Variants in IRX4 observed in about 807,000 individuals in gnomAD.
IRX4 encodes the protein iroquois-class homeodomain protein IRX-4.
Under a neutral mutation model 32.0 loss-of-function variants are expected in IRX4, and 22 were observed. The observed-to-expected ratio is 0.69, with a 90% confidence interval of 0.49 to 0.98. The LOEUF is 0.98. Among genes scored for constraint, IRX4 ranks in the 50% least tolerant of loss-of-function variants. The pLI, the probability that IRX4 is intolerant of heterozygous loss-of-function variation, is 0.00. For missense variants in IRX4, 840 were observed against 744.2 expected, an observed-to-expected ratio of 1.13 and a Z score of -1.50; for synonymous variants, 379 against 351.7, an observed-to-expected ratio of 1.08 and a Z score of -0.87.
intron 1 of IRX4, 61 bp downstream of exon 1, chr5:1,882,541 TC>T: frequency 1.4e-6 from 2 of 1,388,200 alleles, no homozygotes; most frequent in Admixed American, 2.2e-5. Flanking sequence ...CCACCCCCCG[TC>T]CCCGCCCCAT....
In IRX4 at chr5:1,878,048, G is replaced by C. The variant is rs1416373071; in HGVS notation, c.1481C>G (p.Pro494Arg). 1 of 1,512,298 alleles carries C rather than the reference G, an allele frequency of 6.6e-7. No individual in the cohort carries two copies. Among genetic ancestry groups the C allele is most frequent in the East Asian group, 2.5e-5 (1 of 39,676 alleles). 93.7% of individuals were successfully genotyped at this position (1,512,298 alleles called of 1,614,324 possible). A position where few individuals can be genotyped will look rare whatever the true frequency, so the allele number is the denominator to read the frequency against. ...PLARAFPPAV[P>R]QDAPAAGAAR... Reference sequence around the variant, plus strand: ...GGCGCCTGCAGCTGGGGCGTCCTGGGGCACGGCAGGCGGAAAGGCGCGGGC... The same window carrying C: ...GGCGCCTGCAGCTGGGGCGTCCTGGCGCACGGCAGGCGGAAAGGCGCGGGC... Residue 494 changes from proline to arginine, a missense_variant, in exon 5 of 5, where the codon CCC becomes CGC. Physicochemically the swap from Pro to Arg is moderately radical, Grantham distance 103. Transcript: ENST00000231357.
chr5:1,882,094 C>T (rs1735469471), intron 1 of IRX4, 35 bp from the exon 2 acceptor site: 3 of 1,537,192 alleles, frequency 2.0e-6, no homozygotes, highest in Non-Finnish European at 2.6e-6. Flanking sequence ...GGCGGGAAGC[C>T]GGGCTGGAGG....
intron 3 of IRX4, 78 bp downstream of exon 3, chr5:1,880,647 G>T: frequency 1.1e-6 from 1 of 949,132 alleles, no homozygotes. Context: ...AAGGGGGCAT[G>T]ATGGTGGAGG....
Position 1,877,870 on chromosome 5 carries a change from C to A in IRX4, c.*99G>T. On this transcript the variant is annotated 3_prime_UTR_variant, in exon 5 of 5. Coordinates refer to ENST00000231357, the MANE Select transcript of IRX4 (RefSeq NM_016358.3). ...CCCCTCTCCGGTGGGTTGGCGGCTTCGCGGTGGCCGCGCTAGTCTTCCTCT... is the reference window on the plus strand; with the variant it reads ...CCCCTCTCCGGTGGGTTGGCGGCTTAGCGGTGGCCGCGCTAGTCTTCCTCT... The A allele has an allele frequency of 8.6e-7, 1 of 1,156,434 alleles. No individual in the cohort carries two copies. The highest frequency in any genetic ancestry group is 1.4e-5 in the South Asian group (1 of 70,168). The allele number at this position is 1,156,434 out of a possible 1,614,324, so 71.6% of individuals were successfully genotyped here. A position where few individuals can be genotyped will look rare whatever the true frequency, so the allele number is the denominator to read the frequency against.
Position 1,882,607 on chromosome 5 carries a change from G to C in IRX4, c.41C>G (p.Pro14Arg), listed in dbSNP as rs1402983136. ...PQFGYPYSSA[P>R]QFLMATNSLS... ...GCGGGGCGGGGCTCCGCTTACCTGG[G>C]GAGCCGAGGAGTAGGGGTATCCAAA... Residue 14 changes from proline (P) to arginine (R), a missense_variant, in exon 1 of 5, where the codon CCC becomes CGC. By Grantham distance (103) the Pro-to-Arg change is moderately radical. This residue lies in a region of IRX4 where 241 missense variants were observed against 220.8 expected (regional missense o/e 1.09). Transcript: ENST00000231357. 2.0e-6 allele frequency: 3 copies of C among 1,469,098 alleles called. No individual in the cohort carries two copies. The highest frequency in any genetic ancestry group is 2.8e-5 in the Admixed American group (1 of 35,990). The allele number at this position is 1,469,098 out of a possible 1,614,324, so 91.0% of individuals were successfully genotyped here.
rs751783657 is a variant in IRX4 at position 1,879,574 on chromosome 5, C to G, written c.666G>C (p.Ala222=). 6.2e-6 allele frequency: 10 copies of G among 1,613,822 alleles called. No homozygotes were observed. Among genetic ancestry groups the G allele is most frequent in the East Asian group, 4.5e-5 (2 of 44,874 alleles). Reference sequence around the variant, plus strand: ...CGCCCCCCTCCTCCTCCTCGCCCTCCGCGTAGGGCCGCTTCTCGTCTGCGC... The same window carrying G: ...CGCCCCCCTCCTCCTCCTCGCCCTCGGCGTAGGGCCGCTTCTCGTCTGCGC... ...NKCADEKRPY[A]EGEEEEGGEE... Residue 222 remains alanine (A), a synonymous_variant, in exon 4 of 5, where the codon GCG becomes GCC. Transcript: ENST00000231357.
upstream of IRX4, among the ~76,000 whole-genome samples, chr5:1,883,104 G>A (rs963364018): frequency 6.6e-6 from 1 of 152,128 alleles, no homozygotes; most frequent in Admixed American, 6.5e-5. Flanking sequence ...GCCGCGCGGT[G>A]GACGGAGGGG....
upstream of IRX4, among the ~76,000 whole-genome samples, chr5:1,883,774 G>T (rs1200031809): frequency 6.6e-6 from 1 of 152,136 alleles, no homozygotes; most frequent in Non-Finnish European, 1.5e-5. Flanking sequence ...TCCGCCGGCC[G>T]TGCTCCGCCG....
intron 1 of IRX4, 34 bp from the exon 2 acceptor site, chr5:1,882,093 C>CCA: frequency 6.5e-7 from 1 of 1,538,024 alleles, no homozygotes; most frequent in Non-Finnish European, 8.7e-7. Flanking sequence ...TGGCGGGAAG[C>CCA]CGGGCTGGAG....
Position 1,878,394 on chromosome 5 carries a change from CGGCGGCGGT to C in IRX4, c.1126_1134del (p.Thr376_Ala378del), listed in dbSNP as rs745340805. The C allele has an allele frequency of 2.6e-4, 395 of 1,527,164 alleles. No individual in the cohort carries two copies. The African/African-American group carries it at 2.9e-3, about 11-fold the overall frequency. 94.6% of individuals were successfully genotyped at this position (1,527,164 alleles called of 1,614,324 possible). ...TGGCTCAGGGAGGTGGCGGCGGCGGCGGCGGCGGTGGCTGTGTGGGCCAGGGACCAGATG... is the reference window on the plus strand; with the variant it reads ...TGGCTCAGGGAGGTGGCGGCGGCGGCGGCTGTGTGGGCCAGGGACCAGATG... On this transcript the variant is annotated inframe_deletion, in exon 5 of 5. Coordinates refer to ENST00000231357, the MANE Select transcript of IRX4 (RefSeq NM_016358.3).
chr5:1,879,942 C>A, intron 3 of IRX4, 110 bp from the exon 4 acceptor site: 2 of 1,531,240 alleles, frequency 1.3e-6, no homozygotes, highest in Non-Finnish European at 8.7e-7. Context: ...TTTGCTTCCC[C>A]GTCGTGGGGT....
At chr5:1,884,438 C>T (rs1735563953), upstream of IRX4, 1 of 152,230 alleles carries the variant, frequency 6.6e-6, no homozygotes, top group Admixed American at 6.5e-5. Context: ...GACCACAGTA[C>T]ACATCATATA....
chr5:1,883,706 T>A (rs557192117), upstream of IRX4, among the ~76,000 whole-genome samples: 6 of 151,932 alleles, frequency 3.9e-5, no homozygotes, highest in East Asian at 1.2e-3. Flanking sequence ...GTCTTTTAAG[T>A]TCCCGCTCAG....
rs1331897235 is a variant in IRX4 at position 1,878,434 on chromosome 5, C to G, written c.1095G>C (p.Lys365Asn). 7.3e-6 allele frequency: 11 copies of G among 1,507,652 alleles called. No individual in the cohort carries two copies. Among genetic ancestry groups the G allele is most frequent in the Non-Finnish European group, 9.7e-6 (11 of 1,132,166 alleles). 93.4% of individuals were successfully genotyped at this position (1,507,652 alleles called of 1,614,324 possible). Residue 365 changes from lysine to asparagine, a missense_variant, in exon 5 of 5, where the codon AAG becomes AAC. Lys to Asn is a moderately conservative substitution (Grantham distance 94). Transcript: ENST00000231357. ...PAGASAGLEAKPRIWSLAHTA... is the reference protein window; with the variant it reads ...PAGASAGLEANPRIWSLAHTA... ...TGTGGGCCAGGGACCAGATGCGCGG[C>G]TTAGCCTCCAGGCCTGCCGACGCCC...
intron 4 of IRX4, 63 bp from the exon 5 acceptor site, chr5:1,878,855 C>T (rs1402628143): frequency 3.3e-6 from 5 of 1,538,336 alleles, no homozygotes; most frequent in Non-Finnish European, 2.7e-6. Context: ...GACCCCCTGT[C>T]CCCGTCCACC....
rs559911665 is a variant in IRX4 at position 1,882,327 on chromosome 5, G to A, written c.46-268C>T. Among the ~76,000 whole-genome samples, 549 of 152,288 alleles carry A rather than the reference G, an allele frequency of 3.6e-3. 1 individual carries two copies. Among genetic ancestry groups the A allele is most frequent in the African/African-American group, 0.012 (515 of 41,564 alleles). On this transcript the variant is annotated intron_variant, in intron 1 of 4. Transcript: ENST00000231357. ...TGCGCGCCAAGCCTCCTTCCCCAGG[G>A]GTTCCTTGGGGTCCTAGGACTCCCC...
chr5:1,882,551 A>T (rs933100502), intron 1 of IRX4, 52 bp downstream of exon 1: 3 of 1,431,388 alleles, frequency 2.1e-6, no homozygotes, highest in Non-Finnish European at 9.4e-7. Context: ...TCCCCGCCCC[A>T]TCCGCCCTAC....
upstream of IRX4, among the ~76,000 whole-genome samples, chr5:1,886,416 G>A (rs1367431074): frequency 6.6e-6 from 1 of 152,252 alleles, no homozygotes; most frequent in African/African-American, 2.4e-5. Context: ...ACACCCGGCT[G>A]GGGTGTGGGT....
At chr5:1,879,982 A>T in intron 3 of IRX4, 150 bp from the exon 4 acceptor site, 1 of 1,496,956 alleles carries the variant, frequency 6.7e-7, no homozygotes, top group East Asian at 2.5e-5. Context: ...CCCAGGTAGG[A>T]CCCGAGCCCC....
Sources: gnomAD v4.1 joint callset for allele counts (sites outside exome capture counted in the v4.1 genomes callset) on GRCh38, gnomAD v4.1.1 for gene constraint, gnomAD v4.1.1 regional missense constraint, MANE v1.5 for transcripts, NCBI Gene and HGNC (gene_info 2026-07-23, HGNC 2026-07-21) for gene names.